Variants in RAB6B observed in about 807,000 individuals in gnomAD.
RAB6B encodes the protein RAB6B, member RAS oncogene family, also known as ras-related protein Rab-6B.
RAB6B carries 7 observed loss-of-function variants against 31.2 expected under a neutral mutation model. That is an observed-to-expected ratio of 0.22 (90% CI 0.13 to 0.42). The LOEUF (loss-of-function observed/expected upper bound fraction) is 0.42. Among genes scored for constraint, RAB6B ranks in the 10% least tolerant of loss-of-function variants. The pLI is 1.00. For missense variants in RAB6B, 149 were observed against 280.6 expected (o/e 0.53, Z 3.35); for synonymous variants, 105 against 104.9 (o/e 1.00, Z -0.01).
intron 1 of RAB6B, among the ~76,000 whole-genome samples, chr3:133,892,408 T>C (rs1477490396): frequency 2.6e-5 from 4 of 152,130 alleles, no homozygotes; most frequent in African/African-American, 9.7e-5. Flanking sequence ...GCTTGAGGTA[T>C]TTCCTCCAGA....
Position 133,827,746 on chromosome 3 carries a change from A to ACACCCCCC in RAB6B, c.*1041_*1042insGGGGGGTG. ...TCAAGGTGGTGGTTCTGCAGACAAC[A>ACACCCCCC]CCCCCCCCCCCCCCCGCCTCCCCAT... On this transcript the variant is annotated 3_prime_UTR_variant, in exon 8 of 8. Coordinates refer to ENST00000285208, the MANE Select transcript of RAB6B (RefSeq NM_016577.4). The ACACCCCCC allele has an allele frequency of 1.4e-5, 1 of 72,110 alleles. No homozygotes were observed. The highest frequency in any genetic ancestry group is 2.7e-5 in the Non-Finnish European group (1 of 36,594). 4.5% of individuals were successfully genotyped at this position (72,110 alleles called of 1,614,324 possible). A position where few individuals can be genotyped will look rare whatever the true frequency, so the allele number is the denominator to read the frequency against.
chr3:133,834,776 C>T lies in RAB6B; in HGVS notation c.496-135G>A, dbSNP rs75883617. ...TCCCATCTGCCCAGCGGACGGTGCCCTCAAAGGCAGGGGCTGTGCCTATGT... is the reference window on the plus strand; with the variant it reads ...TCCCATCTGCCCAGCGGACGGTGCCTTCAAAGGCAGGGGCTGTGCCTATGT... On this transcript the variant is annotated intron_variant, in intron 6 of 7. Transcript: ENST00000285208. 2,727 of 820,120 alleles carry T rather than the reference C, an allele frequency of 3.3e-3. 63 individuals are homozygous for T. In the African/African-American group the frequency reaches 0.041, roughly 12 times the overall value. 50.8% of individuals were successfully genotyped at this position (820,120 alleles called of 1,614,324 possible). A position where few individuals can be genotyped will look rare whatever the true frequency, so the allele number is the denominator to read the frequency against.
At chr3:133,846,448 C>CA (rs1935909841) in intron 2 of RAB6B, among the ~76,000 whole-genome samples, 1 of 151,872 alleles carries the variant, frequency 6.6e-6, no homozygotes, top group Admixed American at 6.6e-5. Flanking sequence ...CTCTGTCTCC[C>CA]AAAAAATAAT....
chr3:133,887,137 C>A (rs1188800143), intron 1 of RAB6B, among the ~76,000 whole-genome samples: 1 of 152,210 alleles, frequency 6.6e-6, no homozygotes, highest in Non-Finnish European at 1.5e-5. Context: ...ACCCCTCCCA[C>A]CAGGCTGTGG....
intron 4 of RAB6B, among the ~76,000 whole-genome samples, chr3:133,841,027 C>T (rs1935817910): frequency 6.6e-6 from 1 of 152,158 alleles, no homozygotes; most frequent in South Asian, 2.1e-4. Context: ...ACAAGCTGGC[C>T]TCCACTCCGA....
At chr3:133,847,200 G>A (rs1456120630) in intron 2 of RAB6B, among the ~76,000 whole-genome samples, 1 of 152,234 alleles carries the variant, frequency 6.6e-6, no homozygotes, top group Non-Finnish European at 1.5e-5. Context: ...TATGTGATGA[G>A]TTAGGCTCTT....
chr3:133,845,618 C>T (rs1045524038), intron 2 of RAB6B, among the ~76,000 whole-genome samples: 2 of 152,174 alleles, frequency 1.3e-5, no homozygotes, highest in Non-Finnish European at 1.5e-5. Context: ...GATAACTAAC[C>T]ATTCCCTAAA....
intron 6 of RAB6B, among the ~76,000 whole-genome samples, chr3:133,837,534 C>A (rs1214695654): frequency 6.6e-6 from 1 of 152,174 alleles, no homozygotes; most frequent in Non-Finnish European, 1.5e-5. Context: ...ACAAATCAGA[C>A]GTCCTTCAGT....
At chr3:133,868,397 G>A (rs1936269782) in intron 1 of RAB6B, among the ~76,000 whole-genome samples, 1 of 152,198 alleles carries the variant, frequency 6.6e-6, no homozygotes, top group Non-Finnish European at 1.5e-5. Flanking sequence ...CCTGCAGCCT[G>A]GCAGGTGGAA....
intron 2 of RAB6B, among the ~76,000 whole-genome samples, chr3:133,851,057 A>T (rs1935977650): frequency 6.6e-6 from 1 of 151,812 alleles, no homozygotes; most frequent in South Asian, 2.1e-4. Flanking sequence ...TTCTAAATCC[A>T]GCAAAAATAC....
At chr3:133,833,650 T>C (rs1416487795) in intron 7 of RAB6B, among the ~76,000 whole-genome samples, 1 of 152,198 alleles carries the variant, frequency 6.6e-6, no homozygotes, top group Admixed American at 6.5e-5. Context: ...TGCCCTTCCA[T>C]CTTCCCAGGG....
chr3:133,828,819 G>A lies in RAB6B; in HGVS notation c.596C>T (p.Pro199Leu). 1.2e-6 allele frequency: 2 copies of A among 1,613,278 alleles called. No homozygotes were observed. Among genetic ancestry groups the A allele is most frequent in the Non-Finnish European group, 1.7e-6 (2 of 1,179,630 alleles). ...IDIKLDKPQE[P>L]PASEGGCSC ...GGAGCAGCCGCCCTCGCTGGCCGGG[G>A]GCTCCTGGGGTTTGTCCAGCTTGAT... is the stretch of plus-strand genomic sequence containing the variant. Residue 199 changes from proline to leucine, a missense_variant, in exon 8 of 8, where the codon CCC becomes CTC. Physicochemically the swap from Pro to Leu is moderately conservative, Grantham distance 98 (BLOSUM62 -3). Coordinates refer to ENST00000285208, the MANE Select transcript of RAB6B (RefSeq NM_016577.4).
At chr3:133,829,764 C>G (rs1195288861) in intron 7 of RAB6B, among the ~76,000 whole-genome samples, 2 of 152,214 alleles carry the variant, frequency 1.3e-5, no homozygotes, top group Admixed American at 6.5e-5. Context: ...AGCCATGCTT[C>G]TCCTGAAGTT....
intron 6 of RAB6B, among the ~76,000 whole-genome samples, chr3:133,836,266 C>T (rs1345256901): frequency 6.6e-6 from 1 of 152,152 alleles, no homozygotes; most frequent in Non-Finnish European, 1.5e-5. Context: ...GTAAAAGGGC[C>T]CAGGCCATCC....
intron 1 of RAB6B, among the ~76,000 whole-genome samples, chr3:133,878,757 G>A (rs72976390): frequency 0.032 from 4,906 of 152,266 alleles, 251 homozygotes; most frequent in African/African-American, 0.11. Flanking sequence ...CCTGTCAGAC[G>A]CTATGCAAAC....
chr3:133,865,828 T>C (rs984491149), intron 1 of RAB6B, among the ~76,000 whole-genome samples: 2 of 152,036 alleles, frequency 1.3e-5, no homozygotes, highest in Non-Finnish European at 2.9e-5. Flanking sequence ...GCCTCAAGAG[T>C]GCACCACATA....
intron 4 of RAB6B, 111 bp downstream of exon 4, chr3:133,841,174 G>A (rs980388248): frequency 6.3e-5 from 45 of 717,802 alleles, no homozygotes; most frequent in South Asian, 2.1e-4. Flanking sequence ...ACACACATGC[G>A]TGTGCACACA....
At chr3:133,877,408 C>T (rs1936411445) in intron 1 of RAB6B, among the ~76,000 whole-genome samples, 1 of 152,182 alleles carries the variant, frequency 6.6e-6, no homozygotes, top group Non-Finnish European at 1.5e-5. Flanking sequence ...TGCTCTTGCC[C>T]AGCAGCCAGA....
intron 7 of RAB6B, among the ~76,000 whole-genome samples, chr3:133,830,894 G>A (rs145965732): frequency 2.8e-4 from 42 of 152,254 alleles, no homozygotes; most frequent in African/African-American, 9.6e-4. Context: ...CACTATCTAT[G>A]AGATGCCAGT....
Sources: allele counts gnomAD v4.1 joint callset (sites outside exome capture counted in the v4.1 genomes callset), GRCh38; gene constraint gnomAD v4.1.1; transcripts MANE v1.5; gene names NCBI Gene and HGNC (gene_info 2026-07-23, HGNC 2026-07-21).